The following POLR3B variants were observed in gnomAD, a reference collection of about 807,000 sequenced individuals.
POLR3B encodes the protein DNA-directed RNA polymerase III subunit RPC2.
POLR3B carries 96 observed loss-of-function variants against 147.4 expected under a neutral mutation model. The ratio of observed to expected loss-of-function variants is 0.65; its 90% CI spans 0.55 to 0.77. POLR3B has a LOEUF of 0.77. Ranked by LOEUF, POLR3B falls within the 30% of genes least tolerant of loss-of-function variation. POLR3B has a pLI of 0.00. For missense variants in POLR3B, 1,036 were observed against 1,413.5 expected, an observed-to-expected ratio of 0.73 and a Z score of 4.28; for synonymous variants, 461 against 485.9, an observed-to-expected ratio of 0.95 and a Z score of 0.67.
chr12:106,409,643 A>G (rs2037197407), intron 11 of POLR3B, among the ~76,000 whole-genome samples: 1 of 151,236 alleles, frequency 6.6e-6, no homozygotes, highest in Non-Finnish European at 1.5e-5. Flanking sequence ...TAGCAGCAAC[A>G]ACAAAATGTA....
intron 10 of POLR3B, among the ~76,000 whole-genome samples, chr12:106,398,984 A>G (rs1240582380): frequency 6.6e-6 from 1 of 152,216 alleles, no homozygotes; most frequent in African/African-American, 2.4e-5. Flanking sequence ...CTGAACGGAG[A>G]ATGACTTTGA....
intron 12 of POLR3B, among the ~76,000 whole-genome samples, chr12:106,414,942 G>A (rs1415706681): frequency 6.6e-6 from 1 of 152,108 alleles, no homozygotes; most frequent in Admixed American, 6.6e-5. Flanking sequence ...TTCATTTGCT[G>A]TCTTAATCAG....
intron 6 of POLR3B, among the ~76,000 whole-genome samples, chr12:106,370,631 G>GT (rs1208633414): frequency 0.013 from 1,687 of 126,532 alleles, 25 homozygotes; most frequent in East Asian, 0.051. Context: ...TTGTTTTATT[G>GT]TTTTTTTTTT....
intron 18 of POLR3B, among the ~76,000 whole-genome samples, chr12:106,443,671 C>CTA (rs2037683884): frequency 6.6e-6 from 1 of 151,174 alleles, no homozygotes; most frequent in Non-Finnish European, 1.5e-5. Context: ...GTGCCCGCCA[C>CTA]CATGCCTGGC....
chr12:106,370,510 A>G (rs1343018557), intron 6 of POLR3B, among the ~76,000 whole-genome samples: 2 of 152,196 alleles, frequency 1.3e-5, no homozygotes, highest in African/African-American at 4.8e-5. Flanking sequence ...TACTTCCCTC[A>G]AAGGAAGGGG....
intron 9 of POLR3B, among the ~76,000 whole-genome samples, chr12:106,390,843 G>A (rs1209390002): frequency 6.6e-6 from 1 of 152,128 alleles, no homozygotes; most frequent in African/African-American, 2.4e-5. Flanking sequence ...GACTTGCTTA[G>A]CTGGGTGGTT....
chr12:106,482,133 A>G (rs768979932), intron 23 of POLR3B, among the ~76,000 whole-genome samples: 1 of 152,266 alleles, frequency 6.6e-6, no homozygotes, highest in Admixed American at 6.5e-5. Context: ...ACTAAGGTCT[A>G]CAACTTTGGT....
chr12:106,429,226 C>T (rs1019998559), intron 13 of POLR3B, among the ~76,000 whole-genome samples: 3 of 152,124 alleles, frequency 2.0e-5, no homozygotes, highest in Admixed American at 2.0e-4. Context: ...AATCTCAGCT[C>T]CCTGCAGCCC....
chr12:106,458,063 G>A (rs922905794), intron 21 of POLR3B, among the ~76,000 whole-genome samples: 8 of 152,138 alleles, frequency 5.3e-5, no homozygotes, highest in Admixed American at 3.3e-4. Context: ...GGTGACGCAA[G>A]GGGTAGGGGC....
intron 10 of POLR3B, among the ~76,000 whole-genome samples, chr12:106,396,185 C>T (rs934418861): frequency 1.3e-5 from 2 of 152,136 alleles, no homozygotes; most frequent in Non-Finnish European, 2.9e-5. Flanking sequence ...CTATTTCTCC[C>T]TCAAACAAGT....
intron 23 of POLR3B, among the ~76,000 whole-genome samples, chr12:106,495,296 A>C (rs1175504382): frequency 6.6e-6 from 1 of 152,224 alleles, no homozygotes; most frequent in African/African-American, 2.4e-5. Flanking sequence ...TAGAGTTGGT[A>C]GATTTTTGTT....
At chr12:106,368,911 T>C (rs2136886093) in intron 4 of POLR3B, among the ~76,000 whole-genome samples, 1 of 152,282 alleles carries the variant, frequency 6.6e-6, no homozygotes, top group Non-Finnish European at 1.5e-5. Context: ...TTTTGTTTGT[T>C]TTTTTGTTTT....
At chr12:106,476,832 A>G (rs1394564447) in intron 23 of POLR3B, among the ~76,000 whole-genome samples, 1 of 152,122 alleles carries the variant, frequency 6.6e-6, no homozygotes, top group Non-Finnish European at 1.5e-5. Context: ...CGTAGCTCAG[A>G]GTAATTTGAT....
At chr12:106,489,111 G>A (rs930209630) in intron 23 of POLR3B, among the ~76,000 whole-genome samples, 3 of 152,098 alleles carry the variant, frequency 2.0e-5, no homozygotes, top group Non-Finnish European at 2.9e-5. Context: ...TCACAGCATC[G>A]GGCAGCAATA....
At chr12:106,409,860 C>G (rs1057134229) in intron 11 of POLR3B, among the ~76,000 whole-genome samples, 9 of 152,196 alleles carry the variant, frequency 5.9e-5, no homozygotes, top group African/African-American at 7.2e-5. Context: ...GCTACATTCT[C>G]AAAATTTGTC....
At chr12:106,448,621 G>GTT (rs2037757361) in intron 19 of POLR3B, among the ~76,000 whole-genome samples, 1 of 150,676 alleles carries the variant, frequency 6.6e-6, no homozygotes, top group Non-Finnish European at 1.5e-5. Context: ...TTGTTTTTTA[G>GTT]TAGAGACAGG....
At chr12:106,434,571 G>A (rs866420622) in intron 16 of POLR3B, among the ~76,000 whole-genome samples, 2 of 151,626 alleles carry the variant, frequency 1.3e-5, no homozygotes. Flanking sequence ...TCTAGGAGCC[G>A]GAGGTACAGA....
intron 12 of POLR3B, among the ~76,000 whole-genome samples, chr12:106,416,816 G>A (rs894406514): frequency 2.3e-4 from 35 of 152,090 alleles, no homozygotes; most frequent in African/African-American, 8.0e-4. Context: ...GTGCCTTTCC[G>A]GCCTCATCTC....
At chr12:106,495,657 C>T (rs2038468319) in intron 23 of POLR3B, among the ~76,000 whole-genome samples, 1 of 152,226 alleles carries the variant, frequency 6.6e-6, no homozygotes, top group South Asian at 2.1e-4. Context: ...ATTCCTATAA[C>T]TTGGGTGTAG....
Sources: allele counts gnomAD v4.1 joint callset (sites outside exome capture counted in the v4.1 genomes callset), GRCh38; gene constraint gnomAD v4.1.1; transcripts MANE v1.5; gene names NCBI Gene and HGNC (gene_info 2026-07-23, HGNC 2026-07-21).